DTNA: variants seen among roughly 807,000 people sequenced by gnomAD.
The protein encoded by DTNA is dystrophin-related protein 3.
A neutral mutation model predicts 100.7 loss-of-function variants in DTNA; 43 were observed. That is an observed-to-expected ratio of 0.43 (90% CI 0.33 to 0.55). DTNA has a LOEUF of 0.55. Among genes scored for constraint, DTNA ranks in the 20% least tolerant of loss-of-function variants. DTNA has a pLI of 0.04. For missense variants in DTNA, 798 were observed against 953.9 expected (o/e 0.84, Z 2.15); for synonymous variants, 349 against 347.9 (o/e 1.00, Z -0.04).
intron 15 of DTNA, among the ~76,000 whole-genome samples, chr18:34,856,607 A>T (rs1440726854): frequency 1.3e-5 from 2 of 152,238 alleles, no homozygotes; most frequent in Non-Finnish European, 2.9e-5. Context: ...GGGGCTAGCC[A>T]GCCTGGATTC....
intron 1 of DTNA, among the ~76,000 whole-genome samples, chr18:34,729,780 A>G (rs1260246751): frequency 6.6e-6 from 1 of 152,148 alleles, no homozygotes; most frequent in East Asian, 1.9e-4. Context: ...AGGTGGAAAG[A>G]CATAAATGGC....
chr18:34,690,583 A>G (rs1383912429), intron 1 of DTNA, among the ~76,000 whole-genome samples: 1 of 152,222 alleles, frequency 6.6e-6, no homozygotes, highest in East Asian at 1.9e-4. Flanking sequence ...CTATTCAGCC[A>G]TCTTGCCACA....
In DTNA at chr18:34,575,122, T is replaced by C. The variant is rs533366413; in HGVS notation, c.-2+81608T>C. Among the ~76,000 whole-genome samples the C allele has an allele frequency of 4.6e-5, 7 of 152,348 alleles. No individual in the cohort carries two copies. In the South Asian group the frequency reaches 1.2e-3, roughly 27 times the overall value. ...ACATTTCTTCTCTCTTTCTAGAGTCTCTTTCCTGTAAGGTGAACTTCTTTT... is the reference window on the plus strand; with the variant it reads ...ACATTTCTTCTCTCTTTCTAGAGTCCCTTTCCTGTAAGGTGAACTTCTTTT... On this transcript the variant is annotated intron_variant, in intron 1 of 19. Transcript: ENST00000283365.
At chr18:34,754,916 A>T (rs767944704) in intron 1 of DTNA, among the ~76,000 whole-genome samples, 2 of 152,188 alleles carry the variant, frequency 1.3e-5, no homozygotes, top group Non-Finnish European at 2.9e-5. Flanking sequence ...GGGTGACAGC[A>T]AGTTAGCTTG....
At chr18:34,696,507 G>A (rs547505503) in intron 1 of DTNA, among the ~76,000 whole-genome samples, 98 of 152,286 alleles carry the variant, frequency 6.4e-4, no homozygotes, top group Non-Finnish European at 1.2e-3. Context: ...GAACCCGGGA[G>A]GTGGAGGTTG....
At chr18:34,768,957 G>T (rs1317252357) in intron 3 of DTNA, among the ~76,000 whole-genome samples, 1 of 152,162 alleles carries the variant, frequency 6.6e-6, no homozygotes, top group African/African-American at 2.4e-5. Context: ...TTGGGGGTGA[G>T]GGTCACTGGT....
intron 1 of DTNA, among the ~76,000 whole-genome samples, chr18:34,666,032 C>T (rs1456251387): frequency 6.6e-6 from 1 of 152,210 alleles, no homozygotes; most frequent in Admixed American, 6.5e-5. Context: ...AGTTTACAGT[C>T]CCACCAACAG....
chr18:34,818,728 G>T, intron 8 of DTNA: 1 of 923,634 alleles, frequency 1.1e-6, no homozygotes, highest in Non-Finnish European at 1.4e-6. Context: ...TTAGATTCTG[G>T]AGTTCTTTTA....
intron 1 of DTNA, among the ~76,000 whole-genome samples, chr18:34,738,864 C>G (rs2147645454): frequency 6.6e-6 from 1 of 152,286 alleles, no homozygotes; most frequent in Admixed American, 6.5e-5. Context: ...TTGCAAATCA[C>G]TTTTGACAAG....
intron 2 of DTNA, among the ~76,000 whole-genome samples, chr18:34,759,356 T>TA (rs1224291776): frequency 1.3e-5 from 2 of 152,220 alleles, no homozygotes; most frequent in Non-Finnish European, 2.9e-5. Flanking sequence ...CTTAGCCTTA[T>TA]ATGGTAGTTA....
At chr18:34,635,423 T>A (rs2058557374) in intron 1 of DTNA, among the ~76,000 whole-genome samples, 1 of 152,214 alleles carries the variant, frequency 6.6e-6, no homozygotes. Context: ...CTATATTTAA[T>A]AGGAACCTCC....
intron 9 of DTNA, among the ~76,000 whole-genome samples, chr18:34,823,630 A>C (rs901922392): frequency 4.6e-5 from 7 of 152,274 alleles, no homozygotes; most frequent in Non-Finnish European, 1.0e-4. Flanking sequence ...AGAACTATAC[A>C]TAGCAATAAA....
At chr18:34,833,995 T>C (rs551883567) in intron 11 of DTNA, among the ~76,000 whole-genome samples, 9 of 152,354 alleles carry the variant, frequency 5.9e-5, no homozygotes, top group Admixed American at 1.3e-4. Flanking sequence ...CCATTGTACC[T>C]GATCCCAAAT....
chr18:34,606,615 T>C (rs1031489978), intron 1 of DTNA, among the ~76,000 whole-genome samples: 5 of 152,068 alleles, frequency 3.3e-5, no homozygotes, highest in African/African-American at 1.2e-4. Flanking sequence ...ATGGTGATAG[T>C]TTAGTTAAAT....
intron 1 of DTNA, among the ~76,000 whole-genome samples, chr18:34,749,676 T>TAATAATAATAAA (rs2092114502): frequency 1.5e-4 from 1 of 6,550 alleles, no homozygotes; most frequent in Admixed American, 4.3e-3. Context: ...ATAATAATAA[T>TAATAATAATAAA]AACAAATAAG....
chr18:34,605,600 T>G (rs2052887465), intron 1 of DTNA, among the ~76,000 whole-genome samples: 1 of 150,938 alleles, frequency 6.6e-6, no homozygotes, highest in South Asian at 2.1e-4. Context: ...AGCCAACAGA[T>G]TTCTTATGCA....
At chr18:34,825,195 A>C in intron 9 of DTNA, 1 of 1,596,462 alleles carries the variant, frequency 6.3e-7, no homozygotes, top group African/African-American at 1.3e-5. Context: ...ATTTGTTCTT[A>C]GCTATTGTAT....
chr18:34,605,321 G>A (rs1170423881), intron 1 of DTNA, among the ~76,000 whole-genome samples: 3 of 152,056 alleles, frequency 2.0e-5, no homozygotes, highest in African/African-American at 7.2e-5. Context: ...CCAAATGTAT[G>A]GACCCACATG....
At chr18:34,806,409 T>C in intron 5 of DTNA, 105 bp downstream of exon 5, 3 of 949,266 alleles carry the variant, frequency 3.2e-6, no homozygotes, top group Non-Finnish European at 3.3e-6. Flanking sequence ...TCTTTCCTCA[T>C]TCTATGAGAG....
Sources: gnomAD v4.1 joint callset for allele counts (sites outside exome capture counted in the v4.1 genomes callset) on GRCh38, gnomAD v4.1.1 for gene constraint, MANE v1.5 for transcripts, NCBI Gene and HGNC (gene_info 2026-07-23, HGNC 2026-07-21) for gene names.